Variants in BAIAP2L1 observed in about 807,000 individuals in gnomAD.
BAIAP2L1 encodes BAR/IMD domain containing adaptor protein 2 like 1, also known as BAR/IMD domain-containing adapter protein 2-like 1.
BAIAP2L1 carries 35 observed loss-of-function variants against 66.3 expected under a neutral mutation model. The ratio of observed to expected loss-of-function variants is 0.53; its 90% CI spans 0.40 to 0.70. The LOEUF is 0.70. BAIAP2L1 is among the 30% of genes least tolerant of loss of function. BAIAP2L1 has a pLI of 0.00. For synonymous variants in BAIAP2L1, 269 were observed against 248.7 expected, an observed-to-expected ratio of 1.08 and a Z score of -0.77; for missense variants, 622 against 656.9, an observed-to-expected ratio of 0.95 and a Z score of 0.58.
intron 8 of BAIAP2L1, 149 bp from the exon 9 acceptor site, chr7:98,310,741 C>T: frequency 3.3e-6 from 2 of 609,894 alleles, no homozygotes; most frequent in East Asian, 3.5e-5. Context: ...GGCTGGAGTA[C>T]AGTGGCACGA....
At chr7:98,302,898 C>T (rs972825891) in intron 12 of BAIAP2L1, among the ~76,000 whole-genome samples, 7 of 152,170 alleles carry the variant, frequency 4.6e-5, no homozygotes, top group Non-Finnish European at 8.8e-5. Context: ...TATCCTCCCA[C>T]CACAGCCTCC....
intron 2 of BAIAP2L1, among the ~76,000 whole-genome samples, chr7:98,360,534 A>C (rs1802246321): frequency 6.6e-6 from 1 of 152,128 alleles, no homozygotes; most frequent in Non-Finnish European, 1.5e-5. Flanking sequence ...AAGTGTCAAG[A>C]GCCCTTTGGG....
At chr7:98,381,311 CAT>C (rs1802755772) in intron 1 of BAIAP2L1, among the ~76,000 whole-genome samples, 1 of 152,218 alleles carries the variant, frequency 6.6e-6, no homozygotes, top group South Asian at 2.1e-4. Context: ...TTCATTATGA[CAT>C]AATCATTGTT....
At chr7:98,340,820 A>C (rs993015654) in intron 3 of BAIAP2L1, among the ~76,000 whole-genome samples, 1 of 145,806 alleles carries the variant, frequency 6.9e-6, no homozygotes, top group African/African-American at 2.5e-5. Flanking sequence ...CAGGGGACAG[A>C]GTTTCACTCT....
chr7:98,295,356 T>C (rs116267023), intron 12 of BAIAP2L1, among the ~76,000 whole-genome samples: 1,526 of 152,260 alleles, frequency 0.01, 30 homozygotes, highest in African/African-American at 0.035. Context: ...TTTTCATCAC[T>C]GGAGCACAAA....
In BAIAP2L1 at chr7:98,393,147, A is replaced by ATATATGTACACACATG. The variant is rs1491299163; in HGVS notation, c.51+7654_51+7655insCATGTGTGTACATATA. On this transcript the variant is annotated intron_variant, in intron 1 of 13. Transcript: ENST00000005260. The stretch of plus-strand genomic sequence containing the variant: ...TGTATATATACACACATATGTGTAC[A>ATATATGTACACACATG]TATATATGTACACATATATGTATAT... Among the ~76,000 whole-genome samples, 15 of 136,600 alleles carry ATATATGTACACACATG rather than the reference A, an allele frequency of 1.1e-4. 1 individual carries two copies. Among genetic ancestry groups the ATATATGTACACACATG allele is most frequent in the African/African-American group, 4.0e-4 (15 of 37,690 alleles). 89.6% of individuals were successfully genotyped at this position (136,600 alleles called of 152,430 possible).
rs141582898 is a variant in BAIAP2L1 at position 98,350,049 on chromosome 7, C to A, written c.214+4993G>T. ...GGAGGATGGCTTGAGCCCAGAAGATCGAGGCTGCAATGAGCCATGATGGCA... is the reference window on the plus strand; with the variant it reads ...GGAGGATGGCTTGAGCCCAGAAGATAGAGGCTGCAATGAGCCATGATGGCA... On this transcript the variant is annotated intron_variant, in intron 3 of 13. Transcript: ENST00000005260. 1.3e-3 allele frequency among the ~76,000 whole-genome samples: 194 copies of A among 151,190 alleles called. 1 individual carries two copies. The East Asian group carries it at 0.02, about 15-fold the overall frequency.
At chr7:98,297,364 C>T (rs1361235680) in intron 12 of BAIAP2L1, among the ~76,000 whole-genome samples, 1 of 152,288 alleles carries the variant, frequency 6.6e-6, no homozygotes, top group East Asian at 1.9e-4. Context: ...TCAGAGGGGT[C>T]CCGGGCAGCT....
intron 5 of BAIAP2L1, among the ~76,000 whole-genome samples, chr7:98,319,378 C>T (rs995883734): frequency 2.6e-5 from 4 of 152,168 alleles, no homozygotes; most frequent in Non-Finnish European, 4.4e-5. Context: ...GAGCCCCGGA[C>T]GGTGCTCTCC....
At chr7:98,320,421 C>T (rs1392666405) in intron 3 of BAIAP2L1, 123 bp from the exon 4 acceptor site, 8 of 687,250 alleles carry the variant, frequency 1.2e-5, no homozygotes, top group South Asian at 1.9e-5. Flanking sequence ...CTGCAACCTC[C>T]GCCTCCCGGG....
chr7:98,334,497 A>G (rs1801568009), intron 3 of BAIAP2L1, among the ~76,000 whole-genome samples: 1 of 152,172 alleles, frequency 6.6e-6, no homozygotes, highest in Admixed American at 6.5e-5. Flanking sequence ...ACAAGAACAT[A>G]CAAACCCAGA....
intron 2 of BAIAP2L1, among the ~76,000 whole-genome samples, chr7:98,356,482 A>G (rs1439125752): frequency 6.6e-6 from 1 of 151,946 alleles, no homozygotes; most frequent in African/African-American, 2.4e-5. Flanking sequence ...AATTGTTTTA[A>G]CAAGGTGGAT....
At chr7:98,311,965 G>C in intron 8 of BAIAP2L1, 132 bp downstream of exon 8, 1 of 894,002 alleles carries the variant, frequency 1.1e-6, no homozygotes, top group Non-Finnish European at 1.7e-6. Flanking sequence ...AAGGTAAGGG[G>C]ATAGAGGTGC....
intron 12 of BAIAP2L1, among the ~76,000 whole-genome samples, chr7:98,296,849 G>A (rs1800212723): frequency 6.6e-6 from 1 of 152,166 alleles, no homozygotes; most frequent in South Asian, 2.1e-4. Context: ...CCTCTTATCT[G>A]GTGGCCCCCA....
At chr7:98,356,994 C>CCAAAAAA (rs1802137656) in intron 2 of BAIAP2L1, among the ~76,000 whole-genome samples, 1 of 2,426 alleles carries the variant, frequency 4.1e-4, no homozygotes, top group East Asian at 0.016. Context: ...GCCCCTGTCT[C>CCAAAAAA]AAAAAAAAAA....
chr7:98,335,482 G>A (rs763932690), intron 3 of BAIAP2L1, among the ~76,000 whole-genome samples: 65 of 152,086 alleles, frequency 4.3e-4, no homozygotes, highest in Admixed American at 2.6e-4. Flanking sequence ...CCTTTACTGC[G>A]TTGCAGGTAT....
intron 1 of BAIAP2L1, among the ~76,000 whole-genome samples, chr7:98,388,144 C>T (rs1304696127): frequency 1.3e-5 from 2 of 152,112 alleles, no homozygotes; most frequent in African/African-American, 4.8e-5. Context: ...ACCTACGATG[C>T]GCCAGATGCT....
At chr7:98,340,352 A>G (rs774808777) in intron 3 of BAIAP2L1, among the ~76,000 whole-genome samples, 4 of 152,208 alleles carry the variant, frequency 2.6e-5, no homozygotes, top group Admixed American at 6.5e-5. Flanking sequence ...CAGTGGCCCA[A>G]TCTCGGCTCA....
At chr7:98,295,970 G>C (rs1800171905) in intron 12 of BAIAP2L1, among the ~76,000 whole-genome samples, 1 of 152,162 alleles carries the variant, frequency 6.6e-6, no homozygotes, top group South Asian at 2.1e-4. Flanking sequence ...CAACAATCCT[G>C]CTCCCTGTAG....
Sources: allele counts gnomAD v4.1 joint callset (sites outside exome capture counted in the v4.1 genomes callset), GRCh38; gene constraint gnomAD v4.1.1; transcripts MANE v1.5; gene names NCBI Gene and HGNC (gene_info 2026-07-23, HGNC 2026-07-21).